Variants in ITPR1 observed in about 807,000 individuals in gnomAD.
ITPR1 encodes inositol 1,4,5-trisphosphate-gated calcium channel ITPR1.
A neutral mutation model predicts 318.4 loss-of-function variants in ITPR1; 96 were observed. That is an observed-to-expected ratio of 0.30 (90% CI 0.26 to 0.36). The LOEUF is 0.36. ITPR1 is among the 10% of genes least tolerant of loss of function. The pLI is 1.00. For missense variants in ITPR1, 2,440 were observed against 3,460.2 expected, an observed-to-expected ratio of 0.71 and a Z score of 7.40; for synonymous variants, 1,312 against 1,289.9, an observed-to-expected ratio of 1.02 and a Z score of -0.37.
At chr3:4,596,113 A>C (rs577601241) in intron 4 of ITPR1, 1 of 152,270 alleles carries the variant, frequency 6.6e-6, no homozygotes, top group South Asian at 2.1e-4. Context: ...GCTCTTCTCA[A>C]AACTTCTCTG....
At chr3:4,814,594 A>C in intron 58 of ITPR1, 32 bp downstream of exon 58, 18 of 558,598 alleles carry the variant, frequency 3.2e-5, no homozygotes, top group Non-Finnish European at 5.1e-5. Flanking sequence ...GGAAGGGCAA[A>C]GGGGGCGGGT....
At position 4,710,295 on chromosome 3, in the gene ITPR1, C is replaced by T; in HGVS notation, c.4843-30C>T. Reference sequence around the variant, plus strand: ...CTCCTGTGGTCAGCGTCTGCCTGAGCCGTTGACTGAGGCTGTGTTTCCGTT... The same window carrying T: ...CTCCTGTGGTCAGCGTCTGCCTGAGTCGTTGACTGAGGCTGTGTTTCCGTT... On this transcript the variant is annotated intron_variant, in intron 37 of 61. Transcript: ENST00000649015. This position sits in a 1 kb window ranked among gnomAD's most constrained non-coding sequence, Gnocchi z 4.2. 1 of 1,514,628 alleles carries T rather than the reference C, an allele frequency of 6.6e-7. No individual in the cohort carries two copies. The highest frequency in any genetic ancestry group is 8.9e-7 in the Non-Finnish European group (1 of 1,122,748). 93.8% of individuals were successfully genotyped at this position (1,514,628 alleles called of 1,614,324 possible).
chr3:4,735,164 G>A lies in ITPR1; in HGVS notation c.5354G>A (p.Gly1785Glu), dbSNP rs200004069. 6.2e-6 allele frequency: 10 copies of A among 1,611,636 alleles called. No individual in the cohort carries two copies. Among genetic ancestry groups the A allele is most frequent in the Non-Finnish European group, 6.8e-6 (8 of 1,177,892 alleles). ...AGGPGKPGGG[G>E]GGSGSSSMSR... ...TAAAAACAATATTCCATCTTCTTAG[G>A]GGGAGGTTCCGGATCCAGCTCTATG... is the stretch of plus-strand genomic sequence containing the variant. Residue 1785 changes from glycine to glutamate, a missense_variant and splice_region_variant, in exon 44 of 62, where the codon GGG (glycine) becomes GAG (glutamate). Physicochemically the swap from Gly to Glu is moderately conservative, Grantham distance 98. This residue lies in a region of ITPR1 where 166 missense variants were observed against 143.7 expected (regional missense o/e 1.16). Coordinates refer to ENST00000649015, the MANE Select transcript of ITPR1 (RefSeq NM_001378452.1).
At chr3:4,701,940 G>A (rs974367161) in intron 35 of ITPR1, among the ~76,000 whole-genome samples, 5 of 151,928 alleles carry the variant, frequency 3.3e-5, no homozygotes, top group South Asian at 2.1e-4. Context: ...GACCTCTTTC[G>A]GGGTTTTCAA....
chr3:4,736,339 A>G (rs1250036069), intron 44 of ITPR1, among the ~76,000 whole-genome samples: 1 of 152,242 alleles, frequency 6.6e-6, no homozygotes, highest in Non-Finnish European at 1.5e-5. Context: ...TCTTTGTGCA[A>G]CTTTGTAAAG....
At chr3:4,572,451 G>T (rs559627945) in intron 4 of ITPR1, among the ~76,000 whole-genome samples, 1 of 151,898 alleles carries the variant, frequency 6.6e-6, no homozygotes, top group Non-Finnish European at 1.5e-5. Flanking sequence ...ATAAAAGAAC[G>T]CAAATTTGCA....
chr3:4,675,788 C>T (rs1436677268), intron 23 of ITPR1, among the ~76,000 whole-genome samples: 1 of 152,056 alleles, frequency 6.6e-6, no homozygotes, highest in Non-Finnish European at 1.5e-5. Context: ...TATCATGTAT[C>T]AATTATTGTT....
In ITPR1 at chr3:4,623,088, C is replaced by T. The variant is rs572121032; in HGVS notation, c.164-4675C>T. On this transcript the variant is annotated intron_variant, in intron 4 of 61. Coordinates refer to ENST00000649015, the MANE Select transcript of ITPR1 (RefSeq NM_001378452.1). ...TTTTTGCTTTCTCACTTTGCTTCTG[C>T]CCCAACCCAGAGTGCTGGAAGCACA... 6.6e-5 allele frequency among the ~76,000 whole-genome samples: 10 copies of T among 152,334 alleles called. No homozygotes were observed. The East Asian group carries it at 1.9e-3, about 29-fold the overall frequency.
intron 4 of ITPR1, among the ~76,000 whole-genome samples, chr3:4,603,994 TTCTTTTTAAA>T (rs1202604843): frequency 1.3e-5 from 2 of 152,186 alleles, no homozygotes; most frequent in Non-Finnish European, 2.9e-5. Flanking sequence ...AACATCTGTC[TTCTTTTTAAA>T]TTTTTTAATA....
chr3:4,595,140 T>C (rs2090700946), intron 4 of ITPR1, among the ~76,000 whole-genome samples: 1 of 152,212 alleles, frequency 6.6e-6, no homozygotes, highest in African/African-American at 2.4e-5. Context: ...TGTATTAGTC[T>C]GTTTTTGCAT....
At chr3:4,565,463 G>C (rs1294391698) in intron 4 of ITPR1, among the ~76,000 whole-genome samples, 2 of 152,202 alleles carry the variant, frequency 1.3e-5, no homozygotes, top group Non-Finnish European at 2.9e-5. Context: ...GCAGTACTGA[G>C]AAGATTAATT....
At chr3:4,803,038 G>A (rs2048339852) in intron 54 of ITPR1, among the ~76,000 whole-genome samples, 1 of 152,164 alleles carries the variant, frequency 6.6e-6, no homozygotes, top group Non-Finnish European at 1.5e-5. Context: ...CAGCTGTACA[G>A]GAAGCATGGC....
chr3:4,655,023 A>G (rs2093675328), intron 12 of ITPR1, among the ~76,000 whole-genome samples: 1 of 152,146 alleles, frequency 6.6e-6, no homozygotes, highest in Non-Finnish European at 1.5e-5. Context: ...TCCACAGTTA[A>G]TATGGCTTGG....
At chr3:4,686,793 T>C (rs1050493183) in intron 30 of ITPR1, among the ~76,000 whole-genome samples, 1 of 152,212 alleles carries the variant, frequency 6.6e-6, no homozygotes, top group Non-Finnish European at 1.5e-5. Flanking sequence ...TCACTTAGCT[T>C]GTGCACCAGC....
chr3:4,574,216 A>G (rs867459770), intron 4 of ITPR1, among the ~76,000 whole-genome samples: 13 of 142,954 alleles, frequency 9.1e-5, no homozygotes, highest in Middle Eastern at 7.4e-3. Flanking sequence ...TTTTTTTTTC[A>G]GCCTCTTATT....
intron 4 of ITPR1, among the ~76,000 whole-genome samples, chr3:4,545,448 C>G (rs985921109): frequency 2.6e-5 from 4 of 151,986 alleles, no homozygotes; most frequent in Non-Finnish European, 5.9e-5. Context: ...CAAGGTGAGA[C>G]TCCGTCTCTA....
intron 17 of ITPR1, 111 bp from the exon 18 acceptor site, chr3:4,667,266 C>T (rs2093970374): frequency 1.3e-6 from 1 of 775,510 alleles, no homozygotes; most frequent in African/African-American, 1.8e-5. Flanking sequence ...ACTGTAATGT[C>T]TCTTAGGGGC....
At chr3:4,511,452 C>G (rs1427488960) in intron 2 of ITPR1, among the ~76,000 whole-genome samples, 1 of 152,202 alleles carries the variant, frequency 6.6e-6, no homozygotes, top group Non-Finnish European at 1.5e-5. Context: ...CTTTCTTTGC[C>G]TTGGCCAAAG....
In ITPR1 at chr3:4,699,809, C is replaced by T; in HGVS notation, c.4408-4C>T. On this transcript the variant is annotated splice_region_variant and splice_polypyrimidine_tract_variant and intron_variant, in intron 34 of 61. Transcript: ENST00000649015. ...AATGCTTAACATACCCACTTGTCTT[C>T]CAGGCCTGTAACAACACTAGTGACA... is the stretch of plus-strand genomic sequence containing the variant. 3.1e-6 allele frequency: 5 copies of T among 1,613,674 alleles called. No individual in the cohort carries two copies. Among genetic ancestry groups the T allele is most frequent in the Non-Finnish European group, 4.2e-6 (5 of 1,179,676 alleles).
Sources: allele counts gnomAD v4.1 joint callset (sites outside exome capture counted in the v4.1 genomes callset), GRCh38; gene constraint gnomAD v4.1.1; regional missense constraint gnomAD v4.1.1; non-coding constraint Gnocchi (gnomAD v3.1); transcripts MANE v1.5; gene names NCBI Gene and HGNC (gene_info 2026-07-23, HGNC 2026-07-21).